NELL2: variants seen among roughly 807,000 people sequenced by gnomAD.
NELL2 encodes the protein neural EGFL like 2, also known as protein kinase C-binding protein NELL2.
Under a neutral mutation model 109.6 loss-of-function variants are expected in NELL2, and 41 were observed. The observed-to-expected ratio is 0.37, with a 90% CI of 0.29 to 0.49. The LOEUF is 0.49. NELL2 is among the 20% of genes least tolerant of loss of function. The pLI, the probability that NELL2 is intolerant of heterozygous loss-of-function variation, is 0.98. For synonymous variants in NELL2, 355 were observed against 344.7 expected (o/e 1.03, Z -0.33); for missense variants, 900 against 1,008.3 (o/e 0.89, Z 1.45).
At chr12:44,616,746 G>A (rs912193428) in intron 13 of NELL2, among the ~76,000 whole-genome samples, 3 of 152,138 alleles carry the variant, frequency 2.0e-5, no homozygotes, top group Admixed American at 6.5e-5. Context: ...CTTGTTAAGT[G>A]TCCCCACCAA....
intron 9 of NELL2, among the ~76,000 whole-genome samples, chr12:44,772,784 GC>G (rs1941598469): frequency 6.6e-6 from 1 of 151,516 alleles, no homozygotes; most frequent in South Asian, 2.1e-4. Flanking sequence ...AGGGCCTATG[GC>G]TTTTTTTTTT....
At chr12:44,550,665 A>G (rs1365091171) in intron 15 of NELL2, among the ~76,000 whole-genome samples, 1 of 152,222 alleles carries the variant, frequency 6.6e-6, no homozygotes, top group African/African-American at 2.4e-5. Context: ...ATATACATAC[A>G]ATGAAATACT....
intron 9 of NELL2, among the ~76,000 whole-genome samples, chr12:44,743,256 G>C (rs1483398504): frequency 6.6e-6 from 1 of 152,156 alleles, no homozygotes; most frequent in Admixed American, 6.5e-5. Context: ...AATGCTGAGA[G>C]ATTTTGTCAC....
chr12:44,775,670 T>C (rs1375741082), intron 8 of NELL2, among the ~76,000 whole-genome samples: 1 of 152,174 alleles, frequency 6.6e-6, no homozygotes, highest in Non-Finnish European at 1.5e-5. Context: ...ATGACTTAGT[T>C]TCATGAAAAT....
chr12:44,837,177 C>T (rs745913642), intron 2 of NELL2, among the ~76,000 whole-genome samples: 1 of 152,192 alleles, frequency 6.6e-6, no homozygotes, highest in Non-Finnish European at 1.5e-5. Flanking sequence ...TTTGAATTCA[C>T]TATGTTGGTA....
intron 15 of NELL2, among the ~76,000 whole-genome samples, chr12:44,562,240 C>T (rs890577283): frequency 6.6e-5 from 10 of 152,192 alleles, no homozygotes; most frequent in African/African-American, 2.4e-4. Flanking sequence ...CAATACCATT[C>T]AGGACATAGG....
chr12:44,539,348 A>G (rs1359617855), intron 15 of NELL2, among the ~76,000 whole-genome samples: 3 of 152,154 alleles, frequency 2.0e-5, no homozygotes, highest in African/African-American at 7.2e-5. Context: ...AAACAGAACA[A>G]AACAAAACAA....
chr12:44,750,807 A>G (rs1940618415), intron 9 of NELL2, among the ~76,000 whole-genome samples: 1 of 152,270 alleles, frequency 6.6e-6, no homozygotes, highest in South Asian at 2.1e-4. Context: ...AAATGAAGAT[A>G]ACAGGTTGTG....
intron 15 of NELL2, among the ~76,000 whole-genome samples, chr12:44,572,596 T>C (rs1407998990): frequency 6.7e-6 from 1 of 149,890 alleles, no homozygotes; most frequent in Non-Finnish European, 1.5e-5. Flanking sequence ...ACAACAGTGT[T>C]TCAATGTTAC....
intron 13 of NELL2, among the ~76,000 whole-genome samples, chr12:44,654,145 T>A (rs1435242745): frequency 6.6e-6 from 1 of 152,236 alleles, no homozygotes; most frequent in African/African-American, 2.4e-5. Context: ...CTACAAATTG[T>A]ACCATACTGT....
chr12:44,589,049 C>T (rs188303587), intron 15 of NELL2, among the ~76,000 whole-genome samples: 14 of 152,294 alleles, frequency 9.2e-5, no homozygotes, highest in Admixed American at 9.2e-4. Flanking sequence ...CCATTAACTC[C>T]TTTTCACAGA....
intron 19 of NELL2, among the ~76,000 whole-genome samples, chr12:44,517,837 G>A (rs1158123382): frequency 2.0e-5 from 3 of 152,016 alleles, no homozygotes; most frequent in African/African-American, 4.8e-5. Flanking sequence ...TGCCCCACAC[G>A]GTGTGTATTT....
intron 9 of NELL2, among the ~76,000 whole-genome samples, chr12:44,753,135 T>G (rs1347218768): frequency 1.3e-5 from 2 of 152,110 alleles, no homozygotes; most frequent in Admixed American, 6.6e-5. Flanking sequence ...TTCACTTAAT[T>G]CAGGTCTCAG....
chr12:44,920,512 A>C (rs1376335913), intron 1 of NELL2, among the ~76,000 whole-genome samples: 1 of 152,220 alleles, frequency 6.6e-6, no homozygotes, highest in Non-Finnish European at 1.5e-5. Context: ...CTCATCTAAA[A>C]TTAATAGATA....
At chr12:44,807,839 A>G (rs1173905983) in intron 3 of NELL2, among the ~76,000 whole-genome samples, 1 of 152,044 alleles carries the variant, frequency 6.6e-6, no homozygotes, top group Non-Finnish European at 1.5e-5. Context: ...AGGAGCACCA[A>G]GTTGGTTTCC....
chr12:44,853,876 G>A (rs771493953), intron 2 of NELL2, among the ~76,000 whole-genome samples: 1 of 152,098 alleles, frequency 6.6e-6, no homozygotes, highest in Non-Finnish European at 1.5e-5. Flanking sequence ...AAGTCAACAG[G>A]CTCTCAGAAA....
chr12:44,828,162 A>C lies in NELL2; in HGVS notation c.185-12026T>G, dbSNP rs111937297. ...TTTGTCCATTTTTTTAAACCAAGTT[A>C]TTAGATTGTTTTTCCTATAGAGTTG... On this transcript the variant is annotated intron_variant, in intron 2 of 19. Coordinates refer to ENST00000429094, the MANE Select transcript of NELL2 (RefSeq NM_001145108.2). Among the ~76,000 whole-genome samples, 473 of 152,232 alleles carry C rather than the reference A, an allele frequency of 3.1e-3. 3 individuals are homozygous for C. The highest frequency in any genetic ancestry group is 0.011 in the African/African-American group (446 of 41,554).
chr12:44,628,114 G>C (rs539739727), intron 13 of NELL2, among the ~76,000 whole-genome samples: 2 of 151,668 alleles, frequency 1.3e-5, no homozygotes, highest in African/African-American at 4.9e-5. Flanking sequence ...AATGAGAAAA[G>C]AGGGCTAATA....
At chr12:44,744,893 A>T (rs1446095392) in intron 9 of NELL2, among the ~76,000 whole-genome samples, 3 of 152,226 alleles carry the variant, frequency 2.0e-5, no homozygotes, top group Admixed American at 2.0e-4. Context: ...AGCTGGTACC[A>T]TTCCTTCTGA....
Sources: gnomAD v4.1 joint callset for allele counts (sites outside exome capture counted in the v4.1 genomes callset) on GRCh38, gnomAD v4.1.1 for gene constraint, MANE v1.5 for transcripts, NCBI Gene and HGNC (gene_info 2026-07-23, HGNC 2026-07-21) for gene names.